GGT1: variants seen among roughly 807,000 people sequenced by gnomAD.
The protein encoded by GGT1 is gamma-glutamyltransferase 1.
In GGT1, 21 loss-of-function variants were observed where a neutral mutation model predicts 56.0. The observed-to-expected ratio is 0.38, with a 90% confidence interval of 0.27 to 0.54. GGT1 has a LOEUF of 0.54. Ranked by LOEUF, GGT1 falls within the 20% of genes least tolerant of loss-of-function variation. The pLI, the probability that GGT1 is intolerant of heterozygous loss-of-function variation, is 0.82. For missense variants in GGT1, 466 were observed against 787.0 expected (o/e 0.59, Z 4.88); for synonymous variants, 238 against 342.6 (o/e 0.69, Z 3.37).
the GGT1 span, among the ~76,000 whole-genome samples, chr22:24,586,655 C>G: frequency 1.3e-5 from 2 of 152,258 alleles, no homozygotes; most frequent in Non-Finnish European, 2.9e-5. Context: ...CTTCAGCCTC[C>G]CAAGTAGCTG....
chr22:24,592,646 A>C, upstream of GGT1: 1 of 737,882 alleles, frequency 1.4e-6, no homozygotes, highest in Non-Finnish European at 2.0e-6. Flanking sequence ...GACCTCACCC[A>C]GCCCTCACTC....
At chr22:24,588,664 C>G in the GGT1 span, 1 of 1,122,946 alleles carries the variant, frequency 8.9e-7, no homozygotes, top group Non-Finnish European at 1.1e-6. Flanking sequence ...CCCTCAGCAC[C>G]CTTCGGGGAC....
intron 1 of GGT1, among the ~76,000 whole-genome samples, chr22:24,606,381 T>G (rs1465703963): frequency 2.0e-5 from 3 of 151,948 alleles, no homozygotes; most frequent in African/African-American, 7.3e-5. Context: ...AGTGAGAACA[T>G]GCATGTCTTA....
At chr22:24,600,906 T>A (rs2045770463), upstream of GGT1, among the ~76,000 whole-genome samples, 1 of 152,124 alleles carries the variant, frequency 6.6e-6, no homozygotes, top group African/African-American at 2.4e-5. Context: ...CCAACCAGAG[T>A]CCCACTATCT....
chr22:24,623,866 T>A lies in GGT1; in HGVS notation c.970T>A (p.Tyr324Asn), dbSNP rs1204968893. ...HRIVEAFRFA[Y>N]AKRTLLGDPK... ...CATCGTAGAGGCTTTCCGGTTTGCC[T>A]ACGCCAAGAGGACCCTGCTTGGGGA... Residue 324 changes from tyrosine to asparagine, a missense_variant, in exon 11 of 16, where the codon TAC becomes AAC. Tyr to Asn is a moderately radical substitution (Grantham distance 143). Coordinates refer to ENST00000400382, the MANE Select transcript of GGT1 (RefSeq NM_001288833.2). 6.2e-7 allele frequency: 1 copy of A among 1,611,660 alleles called. No homozygotes were observed. The highest frequency in any genetic ancestry group is 8.5e-7 in the Non-Finnish European group (1 of 1,179,796).
At chr22:24,590,002 G>A, upstream of GGT1, 2 of 1,501,154 alleles carry the variant, frequency 1.3e-6, no homozygotes, top group Middle Eastern at 1.8e-4. Context: ...CCCATCTCGA[G>A]GCACCACCCC....
chr22:24,592,510 A>G, upstream of GGT1: 1 of 440,406 alleles, frequency 2.3e-6, no homozygotes, highest in Non-Finnish European at 4.7e-6. Context: ...GGCCCCTCCC[A>G]TCTTGCCAGG....
chr22:24,618,630 T>G (rs970474057), intron 7 of GGT1, among the ~76,000 whole-genome samples: 41 of 152,204 alleles, frequency 2.7e-4, no homozygotes, highest in African/African-American at 7.7e-4. Context: ...AAACAAAAAA[T>G]AACTTCTGTC....
the GGT1 span, chr22:24,585,740 A>T: frequency 1.1e-6 from 1 of 950,744 alleles, no homozygotes; most frequent in South Asian, 1.7e-5. Flanking sequence ...GCCACCTATG[A>T]GTCCATTCTT....
intron 1 of GGT1, among the ~76,000 whole-genome samples, chr22:24,606,460 C>T (rs566958941): frequency 1.3e-5 from 2 of 152,298 alleles, no homozygotes; most frequent in East Asian, 3.9e-4. Flanking sequence ...TGGCTCTCCA[C>T]TTTAGACCCC....
chr22:24,617,924 T>C (rs1416635700), intron 7 of GGT1, among the ~76,000 whole-genome samples: 1 of 151,564 alleles, frequency 6.6e-6, no homozygotes, highest in East Asian at 1.9e-4. Context: ...AGCCAGGTGC[T>C]GGGATGCAGG....
intron 1 of GGT1, among the ~76,000 whole-genome samples, chr22:24,597,091 T>TC (rs2036760699): frequency 6.6e-6 from 1 of 151,570 alleles, no homozygotes; most frequent in South Asian, 2.1e-4. Flanking sequence ...CAAGCGATTC[T>TC]CCTGCCTCAG....
chr22:24,608,087 A>G (rs984084419), intron 2 of GGT1, 64 bp downstream of exon 2: 1 of 454,522 alleles, frequency 2.2e-6, no homozygotes, highest in African/African-American at 2.0e-5. Context: ...CAGCTGACCT[A>G]CTTTCTAGCC....
intron 2 of GGT1, 85 bp downstream of exon 2, chr22:24,608,108 C>G (rs1251191671): frequency 4.6e-6 from 2 of 434,188 alleles, no homozygotes; most frequent in South Asian, 1.7e-5. Context: ...TCAGTTTCCC[C>G]TAGTGTGTGC....
intron 5 of GGT1, among the ~76,000 whole-genome samples, chr22:24,613,454 A>T (rs538072808): frequency 6.6e-6 from 1 of 152,206 alleles, no homozygotes; most frequent in Non-Finnish European, 1.5e-5. Flanking sequence ...TGTTTGCTTG[A>T]TAAAGAGGAA....
chr22:24,607,365 A>T (rs3895580), intron 1 of GGT1, among the ~76,000 whole-genome samples: 2 of 152,110 alleles, frequency 1.3e-5, no homozygotes, highest in Non-Finnish European at 2.9e-5. Flanking sequence ...ACTGGCTGTG[A>T]GTTCAGATGT....
At position 24,623,812 on chromosome 22, in the gene GGT1, C is replaced by A; in HGVS notation, c.916C>A (p.Pro306Thr). The A allele has an allele frequency of 6.2e-7, 1 of 1,611,824 alleles. No homozygotes were observed. The highest frequency in any genetic ancestry group is 8.5e-7 in the Non-Finnish European group (1 of 1,179,828). ...CTTCTCCCGGGAGAGCGTGGAGAGCCCCGAGCAGAAGGGCCTGACGTACCA... is the reference window on the plus strand; with the variant it reads ...CTTCTCCCGGGAGAGCGTGGAGAGCACCGAGCAGAAGGGCCTGACGTACCA... ...YNFSRESVES[P>T]EQKGLTYHRI... The change falls in exon 11 of 16, where the codon CCC becomes ACC. Residue 306 changes from proline to threonine, a missense_variant. Physicochemically the swap from Pro to Thr is conservative, Grantham distance 38. Around this residue, in one of 2 missense-constraint regions of GGT1, gnomAD observed 456 missense variants for 716.7 expected, o/e 0.64. Transcript: ENST00000400382.
intron 5 of GGT1, among the ~76,000 whole-genome samples, chr22:24,614,572 T>C (rs1266126835): frequency 1.5e-5 from 2 of 135,510 alleles, no homozygotes; most frequent in Non-Finnish European, 3.1e-5. Flanking sequence ...GCTGAGATCG[T>C]GCCACTGCAC....
In GGT1 at chr22:24,628,313, G is replaced by A. The variant is rs1569068239; in HGVS notation, c.1488G>A (p.Lys496=). ...IYNLWFGYDV[K]RAVEEPRLHN... The stretch of plus-strand genomic sequence containing the variant: ...ACCTCTGGTTCGGCTATGACGTGAA[G>A]CGGGCCGTGGAGGAGCCCCGGCTGC... The change falls in exon 15 of 16, where the codon AAG becomes AAA. Residue 496 remains lysine (K), a synonymous_variant. Transcript: ENST00000400382. This position sits in a 1 kb window ranked among gnomAD's most constrained non-coding sequence, Gnocchi z 5.7. 1.9e-6 allele frequency: 3 copies of A among 1,611,856 alleles called. No individual in the cohort carries two copies. The highest frequency in any genetic ancestry group is 2.5e-6 in the Non-Finnish European group (3 of 1,179,838).
Sources: gnomAD v4.1 joint callset for allele counts (sites outside exome capture counted in the v4.1 genomes callset) on GRCh38, gnomAD v4.1.1 for gene constraint, gnomAD v4.1.1 regional missense constraint, Gnocchi (gnomAD v3.1) non-coding constraint, MANE v1.5 for transcripts, NCBI Gene and HGNC (gene_info 2026-07-23, HGNC 2026-07-21) for gene names.